The following RUNX1T1 variants were observed in gnomAD, a reference collection of about 807,000 sequenced individuals.
The protein encoded by RUNX1T1 is protein CBFA2T1.
A neutral mutation model predicts 62.8 loss-of-function variants in RUNX1T1; 4 were observed. The observed-to-expected ratio is 0.06, with a 90% CI of 0.03 to 0.15. The LOEUF (loss-of-function observed/expected upper bound fraction) is 0.15, where lower values mean the gene tolerates loss of function less well. Ranked by LOEUF, RUNX1T1 falls within the 10% of genes least tolerant of loss-of-function variation. The probability of loss-of-function intolerance (pLI) is 1.00; values close to 1 mark genes in which losing one functional copy is unlikely to be tolerated. For missense variants in RUNX1T1, 508 were observed against 754.3 expected, an observed-to-expected ratio of 0.67 and a Z score of 3.82; for synonymous variants, 291 against 286.0, an observed-to-expected ratio of 1.02 and a Z score of -0.18.
intron 1 of RUNX1T1, among the ~76,000 whole-genome samples, chr8:92,032,227 T>G (rs1313596555): frequency 1.3e-5 from 2 of 149,826 alleles, no homozygotes; most frequent in Non-Finnish European, 3.0e-5. Flanking sequence ...CAGAAATGGA[T>G]ATACCTTTAA....
chr8:92,100,013 T>C (rs917881161), upstream of RUNX1T1, among the ~76,000 whole-genome samples: 1 of 152,164 alleles, frequency 6.6e-6, no homozygotes, highest in Non-Finnish European at 1.5e-5. Flanking sequence ...AATACTAACA[T>C]CAAGAGCAAT....
intron 8 of RUNX1T1, among the ~76,000 whole-genome samples, chr8:91,981,173 A>G (rs1156731373): frequency 1.3e-5 from 2 of 152,126 alleles, no homozygotes; most frequent in African/African-American, 4.8e-5. Context: ...CACAAAACTA[A>G]TATGAAGAGG....
At chr8:92,079,845 G>A (rs932509825) in intron 1 of RUNX1T1, among the ~76,000 whole-genome samples, 2 of 151,964 alleles carry the variant, frequency 1.3e-5, no homozygotes, top group Middle Eastern at 3.2e-3. Flanking sequence ...TGGTGGCTTC[G>A]TTCACTGACT....
intron 1 of RUNX1T1, among the ~76,000 whole-genome samples, chr8:92,051,124 T>C (rs1407102453): frequency 6.6e-6 from 1 of 152,214 alleles, no homozygotes; most frequent in African/African-American, 2.4e-5. Context: ...TGTTTCTTTG[T>C]TTACTGTCTG....
chr8:92,103,035 G>C, upstream of RUNX1T1: 1 of 694,678 alleles, frequency 1.4e-6, no homozygotes, highest in Non-Finnish European at 2.1e-6. Context: ...CCGCGGAGTC[G>C]CGCCGCGGAG....
intron 1 of RUNX1T1, among the ~76,000 whole-genome samples, chr8:92,035,922 GAC>G (rs1827334640): frequency 6.6e-6 from 1 of 152,130 alleles, no homozygotes; most frequent in Non-Finnish European, 1.5e-5. Context: ...CAATTTGAAT[GAC>G]ACATTTTTAC....
At chr8:92,001,032 A>G (rs2916248) in intron 5 of RUNX1T1, among the ~76,000 whole-genome samples, 35,408 of 152,038 alleles carry the variant, frequency 0.23, 4,358 homozygotes, top group African/African-American at 0.31. Context: ...CAAGAATAAA[A>G]AGATGGGGGC....
At chr8:91,955,310 G>GA (rs1167118929), downstream of RUNX1T1, 1 of 224,836 alleles carries the variant, frequency 4.4e-6, no homozygotes, top group Non-Finnish European at 8.8e-6. Context: ...GCTAGTTTCT[G>GA]GCCTTTTTCA....
chr8:92,102,482 G>A (rs1181089759), upstream of RUNX1T1, among the ~76,000 whole-genome samples: 1 of 151,816 alleles, frequency 6.6e-6, no homozygotes, highest in Non-Finnish European at 1.5e-5. This position sits in a 1 kb window ranked among gnomAD's most constrained non-coding sequence, Gnocchi z 4.5. Flanking sequence ...AGGGCCACCT[G>A]CCAAATGCAC....
intron 1 of RUNX1T1, among the ~76,000 whole-genome samples, chr8:92,047,038 C>A (rs1829516033): frequency 6.6e-6 from 1 of 152,150 alleles, no homozygotes; most frequent in African/African-American, 2.4e-5. Context: ...AAGCGCTGGG[C>A]AGCGGGTATG....
intron 9 of RUNX1T1, among the ~76,000 whole-genome samples, chr8:91,974,308 C>A (rs1303895574): frequency 6.6e-6 from 1 of 152,110 alleles, no homozygotes; most frequent in East Asian, 1.9e-4. Context: ...GACTTTCCAA[C>A]AAAGGTGCTA....
chr8:92,029,683 T>A (rs1010311153), intron 1 of RUNX1T1, among the ~76,000 whole-genome samples: 1 of 152,210 alleles, frequency 6.6e-6, no homozygotes, highest in Non-Finnish European at 1.5e-5. Flanking sequence ...CCATTTCCAC[T>A]GCCACCACTA....
chr8:92,027,137 A>AAAAC (rs1295322659), intron 1 of RUNX1T1, among the ~76,000 whole-genome samples: 52 of 151,434 alleles, frequency 3.4e-4, no homozygotes, highest in African/African-American at 1.2e-3. Flanking sequence ...AAAAAAAAGA[A>AAAAC]AAACAAACAA....
chr8:92,039,446 T>C (rs1272582361), intron 1 of RUNX1T1, among the ~76,000 whole-genome samples: 1 of 152,186 alleles, frequency 6.6e-6, no homozygotes, highest in Non-Finnish European at 1.5e-5. Flanking sequence ...CCTTCTCCTC[T>C]CTTCATCTTT....
chr8:91,970,908 G>A, intron 9 of RUNX1T1, 60 bp from the exon 11 acceptor site: 1 of 1,361,908 alleles, frequency 7.3e-7, no homozygotes, highest in Non-Finnish European at 9.8e-7. Context: ...CGAAGTCATT[G>A]GATACGGATT....
Position 91,986,118 on chromosome 8 carries a change from AG to A in RUNX1T1, c.1198+5del. 6.2e-7 allele frequency: 1 copy of A among 1,602,486 alleles called. No individual in the cohort carries two copies. The highest frequency in any genetic ancestry group is 8.6e-7 in the Non-Finnish European group (1 of 1,169,278). On this transcript the variant is annotated splice_donor_5th_base_variant and intron_variant, in intron 8 of 10. Transcript: ENST00000396218. ...TTTTCGAGATACTCATCTGAAGAAA[AG>A]TTACCTAGTGCAACTGGGTCTGGGT...
intron 6 of RUNX1T1, among the ~76,000 whole-genome samples, chr8:91,990,467 T>C (rs1817435645): frequency 6.6e-6 from 1 of 152,152 alleles, no homozygotes; most frequent in Admixed American, 6.5e-5. Context: ...TCATCACTAA[T>C]TAGGAATTGA....
chr8:92,018,203 A>C (rs994356558), intron 1 of RUNX1T1, among the ~76,000 whole-genome samples: 1 of 152,208 alleles, frequency 6.6e-6, no homozygotes, highest in Non-Finnish European at 1.5e-5. Context: ...TTTTCCCTTG[A>C]CATTCTGAAC....
chr8:91,993,069 T>G (rs545451209), intron 5 of RUNX1T1, among the ~76,000 whole-genome samples: 1 of 152,326 alleles, frequency 6.6e-6, no homozygotes, highest in African/African-American at 2.4e-5. Flanking sequence ...AACATCTATT[T>G]TCCCAGGGAC....
Sources: allele counts gnomAD v4.1 joint callset (sites outside exome capture counted in the v4.1 genomes callset), GRCh38; gene constraint gnomAD v4.1.1; non-coding constraint Gnocchi (gnomAD v3.1); transcripts MANE v1.5; gene names NCBI Gene and HGNC (gene_info 2026-07-23, HGNC 2026-07-21).